Variants in MAP4K4 observed in about 807,000 individuals in gnomAD.
The protein encoded by MAP4K4 is mitogen-activated protein kinase kinase kinase kinase 4, also known as HPK/GCK-like kinase HGK.
MAP4K4 carries 38 observed loss-of-function variants against 189.6 expected under a neutral mutation model. The ratio of observed to expected loss-of-function variants is 0.20; its 90% CI spans 0.15 to 0.26. The LOEUF is 0.26. Among genes scored for constraint, MAP4K4 ranks in the 10% least tolerant of loss-of-function variants. The pLI is 1.00. For synonymous variants in MAP4K4, 610 were observed against 624.3 expected (o/e 0.98, Z 0.34); for missense variants, 1,054 against 1,726.9 (o/e 0.61, Z 6.91).
intron 2 of MAP4K4, among the ~76,000 whole-genome samples, chr2:101,776,659 G>A (rs2084349596): frequency 7.4e-6 from 1 of 135,232 alleles, no homozygotes; most frequent in African/African-American, 2.8e-5. Flanking sequence ...TATTGCCAGG[G>A]AGAAGAACCC....
intron 12 of MAP4K4, among the ~76,000 whole-genome samples, chr2:101,846,180 C>T (rs1450498549): frequency 6.6e-6 from 1 of 152,182 alleles, no homozygotes; most frequent in African/African-American, 2.4e-5. Context: ...AGCTAATTTG[C>T]AAATTCCTTG....
chr2:101,893,045 TC>T (rs1403854407), exon 33 of MAP4K4: 1 of 456,462 alleles, frequency 2.2e-6, no homozygotes, highest in East Asian at 6.9e-5. Flanking sequence ...TGGGGGATTT[TC>T]CCTCTGCTCC....
intron 2 of MAP4K4, among the ~76,000 whole-genome samples, chr2:101,718,054 C>T (rs1005663992): frequency 2.0e-5 from 3 of 151,712 alleles, no homozygotes; most frequent in Non-Finnish European, 2.9e-5. Flanking sequence ...GTCAGGAGTT[C>T]GAGACCAGCC....
intron 18 of MAP4K4, among the ~76,000 whole-genome samples, chr2:101,865,791 C>G (rs1000921844): frequency 6.6e-6 from 1 of 152,236 alleles, no homozygotes; most frequent in Non-Finnish European, 1.5e-5. Flanking sequence ...GAACCTTGGT[C>G]TGACTTGAGG....
At chr2:101,771,853 G>A (rs914980129) in intron 2 of MAP4K4, among the ~76,000 whole-genome samples, 5 of 152,196 alleles carry the variant, frequency 3.3e-5, no homozygotes, top group Non-Finnish European at 2.9e-5. Context: ...TTCTTTAAAT[G>A]GAAGCAAAAT....
At chr2:101,732,956 T>C (rs1477782463) in intron 2 of MAP4K4, among the ~76,000 whole-genome samples, 1 of 152,216 alleles carries the variant, frequency 6.6e-6, no homozygotes, top group Non-Finnish European at 1.5e-5. Flanking sequence ...ATCATTGTCT[T>C]TGATGTATTT....
intron 2 of MAP4K4, among the ~76,000 whole-genome samples, chr2:101,732,118 A>G (rs1049337743): frequency 6.6e-6 from 1 of 152,164 alleles, no homozygotes; most frequent in Non-Finnish European, 1.5e-5. Context: ...ATAATTTAGT[A>G]TTATTTATAA....
chr2:101,697,724 C>G (rs1353974882), exon 1 of MAP4K4: 2 of 148,232 alleles, frequency 1.3e-5, no homozygotes, highest in South Asian at 3.6e-4. Flanking sequence ...CAACTCGGCG[C>G]CGCCGCGGCC....
chr2:101,724,915 T>C (rs2149489526), intron 2 of MAP4K4, among the ~76,000 whole-genome samples: 3 of 152,330 alleles, frequency 2.0e-5, no homozygotes, highest in African/African-American at 4.8e-5. Context: ...TTTTACTCTA[T>C]GTTTTCTGTG....
chr2:101,740,453 C>T (rs552104854), intron 2 of MAP4K4, among the ~76,000 whole-genome samples: 3 of 102,540 alleles, frequency 2.9e-5, no homozygotes, highest in African/African-American at 3.2e-4. Flanking sequence ...CGCGCCCGGC[C>T]GCTTTATATC....
intron 27 of MAP4K4, among the ~76,000 whole-genome samples, chr2:101,877,875 G>A (rs765532853): frequency 3.9e-5 from 6 of 151,950 alleles, no homozygotes; most frequent in Admixed American, 6.6e-5. Context: ...TCAGCCTCCC[G>A]AGTAGCTGGG....
At chr2:101,741,620 G>GT (rs1201751003) in intron 2 of MAP4K4, among the ~76,000 whole-genome samples, 4 of 151,872 alleles carry the variant, frequency 2.6e-5, no homozygotes, top group African/African-American at 9.7e-5. Flanking sequence ...TTCTAATGTG[G>GT]TAAATATTGA....
intron 3 of MAP4K4, among the ~76,000 whole-genome samples, chr2:101,816,571 A>AT (rs1391792737): frequency 2.6e-5 from 4 of 152,182 alleles, no homozygotes; most frequent in African/African-American, 7.2e-5. Flanking sequence ...CTGAGGCAAG[A>AT]TTCTCCTCAA....
rs535167304 is a variant in MAP4K4, at chr2:101,724,746, C to T, written c.123+26208C>T. On this transcript the variant is annotated intron_variant, in intron 2 of 32. Transcript: ENST00000324219. ...AAAACAAAACATTCTAGTACTACTC[C>T]TACATAGCTCTATGGATGAGGCCCA... 2.6e-5 allele frequency among the ~76,000 whole-genome samples: 4 copies of T among 152,312 alleles called. No individual in the cohort carries two copies. In the South Asian group the frequency reaches 8.3e-4, roughly 32 times the overall value.
chr2:101,759,589 A>C (rs1225260380), intron 2 of MAP4K4, among the ~76,000 whole-genome samples: 7 of 7,002 alleles, frequency 1.0e-3, no homozygotes, highest in Admixed American at 2.1e-3. Flanking sequence ...TCCCCTCCCC[A>C]TTCACCTCCC....
intron 3 of MAP4K4, among the ~76,000 whole-genome samples, chr2:101,821,113 G>C (rs1422544395): frequency 6.6e-6 from 1 of 151,924 alleles, no homozygotes; most frequent in African/African-American, 2.4e-5. Context: ...TTTCATTGCT[G>C]CTTTCAACAT....
Position 101,893,716 on chromosome 2 carries a change from C to CA in MAP4K4, c.*2476dup, listed in dbSNP as rs369221432. On this transcript the variant is annotated 3_prime_UTR_variant, in exon 33 of 33. Transcript: ENST00000324219. ...CCATGTCTGTAAGTCAAATGTTACA[C>CA]AAAAAAAAATGCAAATGGTGTTTCA... is the stretch of plus-strand genomic sequence containing the variant. The CA allele has an allele frequency of 1.8e-3, 267 of 152,304 alleles. 1 individual carries two copies. The highest frequency in any genetic ancestry group is 5.4e-3 in the African/African-American group (223 of 41,234). The allele number at this position is 152,304 out of a possible 1,614,324, so 9.4% of individuals were successfully genotyped here.
At chr2:101,710,030 C>A (rs914291155) in intron 2 of MAP4K4, among the ~76,000 whole-genome samples, 1 of 152,182 alleles carries the variant, frequency 6.6e-6, no homozygotes, top group Non-Finnish European at 1.5e-5. Context: ...GAGCCCTTCT[C>A]CCCCTGAGTT....
At chr2:101,813,868 A>G (rs1395815250) in intron 3 of MAP4K4, among the ~76,000 whole-genome samples, 1 of 152,218 alleles carries the variant, frequency 6.6e-6, no homozygotes, top group East Asian at 1.9e-4. Context: ...AGATTTCCTC[A>G]GATCTTGGTC....
Sources: allele counts gnomAD v4.1 joint callset (sites outside exome capture counted in the v4.1 genomes callset), GRCh38; gene constraint gnomAD v4.1.1; transcripts MANE v1.5; gene names NCBI Gene and HGNC (gene_info 2026-07-23, HGNC 2026-07-21).